PRUNE2: variants seen among roughly 807,000 people sequenced by gnomAD.
The protein encoded by PRUNE2 is protein prune homolog 2.
A neutral mutation model predicts 252.0 loss-of-function variants in PRUNE2; 164 were observed. The observed-to-expected ratio is 0.65, with a 90% CI of 0.57 to 0.74. The LOEUF is 0.74. PRUNE2 is among the 30% of genes least tolerant of loss of function. The pLI, the probability that PRUNE2 is intolerant of heterozygous loss-of-function variation, is 0.00. For missense variants in PRUNE2, 3,495 were observed against 3,711.0 expected, an observed-to-expected ratio of 0.94 and a Z score of 1.51; for synonymous variants, 1,292 against 1,350.2, an observed-to-expected ratio of 0.96 and a Z score of 0.94.
chr9:76,768,386 G>A (rs1348229701), intron 6 of PRUNE2, among the ~76,000 whole-genome samples: 6 of 151,796 alleles, frequency 4.0e-5, no homozygotes, highest in Non-Finnish European at 7.4e-5. Context: ...AGTGACGGGG[G>A]TTCACCATGT....
At chr9:76,888,019 A>T (rs2062208892) in intron 1 of PRUNE2, among the ~76,000 whole-genome samples, 1 of 152,192 alleles carries the variant, frequency 6.6e-6, no homozygotes, top group Non-Finnish European at 1.5e-5. Context: ...GTGTTAAGGG[A>T]AAAGGAATAG....
chr9:76,614,045 G>C lies in PRUNE2; in HGVS notation c.*525C>G, dbSNP rs538674226. The C allele has an allele frequency of 6.6e-6, 1 of 152,294 alleles. No individual in the cohort carries two copies. The highest frequency in any genetic ancestry group is 1.9e-4 in the East Asian group (1 of 5,202). The allele number at this position is 152,294 out of a possible 1,614,324, so 9.4% of individuals were successfully genotyped here. A position where few individuals can be genotyped will look rare whatever the true frequency, so the allele number is the denominator to read the frequency against. ...AGATTCTGGTAAACAAGAACAAAAC[G>C]GGCACTTAGCTGATGATGGTTTTAC... On this transcript the variant is annotated 3_prime_UTR_variant, in exon 19 of 19. Transcript: ENST00000376718.
intron 6 of PRUNE2, among the ~76,000 whole-genome samples, chr9:76,776,511 CTTTTTTCT>C (rs2053770097): frequency 7.4e-6 from 1 of 134,872 alleles, no homozygotes. Context: ...TTTTTTTTTT[CTTTTTTCT>C]TTTTTTTTTT....
intron 1 of PRUNE2, among the ~76,000 whole-genome samples, chr9:76,880,145 C>A (rs779359318): frequency 2.0e-5 from 3 of 151,892 alleles, no homozygotes; most frequent in Middle Eastern, 3.4e-3. Flanking sequence ...GATCTCCTGA[C>A]CTTGTGATCC....
intron 16 of PRUNE2, among the ~76,000 whole-genome samples, chr9:76,625,962 T>C (rs536027666): frequency 1.3e-5 from 2 of 152,328 alleles, no homozygotes; most frequent in South Asian, 4.1e-4. Context: ...GAAGAAAATA[T>C]GTGTATTAGA....
chr9:76,804,039 T>C (rs1481190476), intron 6 of PRUNE2, among the ~76,000 whole-genome samples: 1 of 152,134 alleles, frequency 6.6e-6, no homozygotes, highest in East Asian at 1.9e-4. Context: ...TCAGGCCTCT[T>C]GGATGAGATC....
At chr9:76,792,891 T>A (rs923854191) in intron 6 of PRUNE2, among the ~76,000 whole-genome samples, 1 of 152,270 alleles carries the variant, frequency 6.6e-6, no homozygotes, top group Non-Finnish European at 1.5e-5. Context: ...TAGCAAATGC[T>A]AGTACAGTAT....
chr9:76,851,537 G>A (rs1345015811), intron 2 of PRUNE2, among the ~76,000 whole-genome samples: 3 of 140,910 alleles, frequency 2.1e-5, no homozygotes, highest in Admixed American at 6.9e-5. Flanking sequence ...GACAGAGCAA[G>A]ACTCTGTCTC....
At chr9:76,690,625 G>T (rs1414447800) in intron 9 of PRUNE2, among the ~76,000 whole-genome samples, 2 of 152,178 alleles carry the variant, frequency 1.3e-5, no homozygotes, top group Non-Finnish European at 2.9e-5. Context: ...GTACCAAAGA[G>T]AGCACTAACC....
chr9:76,871,695 G>A (rs766960701), intron 1 of PRUNE2, among the ~76,000 whole-genome samples: 67 of 152,226 alleles, frequency 4.4e-4, no homozygotes, highest in South Asian at 6.2e-4. Context: ...GGGGCACAAC[G>A]TCAGCCTACT....
At chr9:76,735,270 T>C (rs923441878) in intron 6 of PRUNE2, among the ~76,000 whole-genome samples, 1 of 152,200 alleles carries the variant, frequency 6.6e-6, no homozygotes, top group East Asian at 1.9e-4. Flanking sequence ...CCACAACTTA[T>C]GAAAACCTAC....
At chr9:76,879,984 A>G (rs1378226942) in intron 1 of PRUNE2, among the ~76,000 whole-genome samples, 2 of 128,944 alleles carry the variant, frequency 1.6e-5, no homozygotes, top group Non-Finnish European at 3.1e-5. Flanking sequence ...TGCAATCTCG[A>G]CTCACTGCAA....
chr9:76,892,671 T>C lies in PRUNE2; in HGVS notation c.36+13257A>G, dbSNP rs1483942397. On this transcript the variant is annotated intron_variant, in intron 1 of 18. Coordinates refer to ENST00000376718, the MANE Select transcript of PRUNE2 (RefSeq NM_015225.3). ...ATTGGGGTTGCAAGATATACAAATA[T>C]CTTAAGTCCTGTGCACAAGGAAGAA... 2.6e-5 allele frequency among the ~76,000 whole-genome samples: 4 copies of C among 152,210 alleles called. No homozygotes were observed. In the East Asian group the frequency reaches 7.7e-4, roughly 29 times the overall value.
chr9:76,847,512 G>A (rs541071786), intron 3 of PRUNE2, among the ~76,000 whole-genome samples: 3 of 151,914 alleles, frequency 2.0e-5, no homozygotes, highest in South Asian at 2.1e-4. Context: ...TTTGTGCAAC[G>A]TCACACATTT....
chr9:76,630,616 C>G (rs1837165350), intron 15 of PRUNE2, among the ~76,000 whole-genome samples: 1 of 152,202 alleles, frequency 6.6e-6, no homozygotes, highest in South Asian at 2.1e-4. Flanking sequence ...GCTCTGCCTC[C>G]TGGGTTCACG....
intron 6 of PRUNE2, among the ~76,000 whole-genome samples, chr9:76,809,786 TA>T (rs1345370025): frequency 6.6e-6 from 1 of 152,166 alleles, no homozygotes; most frequent in African/African-American, 2.4e-5. Context: ...TTCATACATA[TA>T]AAAAAGGATT....
chr9:76,693,487 AGGCT>A (rs2045032120), intron 9 of PRUNE2, among the ~76,000 whole-genome samples: 1 of 126,784 alleles, frequency 7.9e-6, no homozygotes, highest in Non-Finnish European at 1.6e-5. Context: ...ACCATTGCCC[AGGCT>A]GGAGTGCCGT....
chr9:76,760,993 C>T (rs536911393), intron 6 of PRUNE2, among the ~76,000 whole-genome samples: 19 of 148,688 alleles, frequency 1.3e-4, no homozygotes, highest in African/African-American at 3.7e-4. Flanking sequence ...GGCTGAGGCA[C>T]GAGAATTGCT....
At chr9:76,827,009 T>C (rs1023178127) in intron 4 of PRUNE2, among the ~76,000 whole-genome samples, 2 of 152,176 alleles carry the variant, frequency 1.3e-5, no homozygotes, top group Admixed American at 1.3e-4. Flanking sequence ...AAAATGTGTA[T>C]ATTCCCCCAA....
Sources: gnomAD v4.1 joint callset for allele counts (sites outside exome capture counted in the v4.1 genomes callset) on GRCh38, gnomAD v4.1.1 for gene constraint, MANE v1.5 for transcripts, NCBI Gene and HGNC (gene_info 2026-07-23, HGNC 2026-07-21) for gene names.